The following LAPTM4B variants were observed in gnomAD, a reference collection of about 807,000 sequenced individuals.
LAPTM4B encodes lysosomal-associated transmembrane protein 4B.
LAPTM4B carries 26 observed loss-of-function variants against 28.5 expected under a neutral mutation model. That is an observed-to-expected ratio of 0.91 (90% confidence interval 0.67 to 1.27). The LOEUF (loss-of-function observed/expected upper bound fraction) is 1.27, where lower values mean the gene tolerates loss of function less well. Among genes scored for constraint, LAPTM4B ranks in the 50% most tolerant of loss-of-function variants. LAPTM4B has a pLI of 0.00. For missense variants in LAPTM4B, 288 were observed against 285.8 expected (o/e 1.01, Z -0.06); for synonymous variants, 109 against 106.4 (o/e 1.02, Z -0.15).
intron 1 of LAPTM4B, among the ~76,000 whole-genome samples, chr8:97,776,880 A>C (rs967918284): frequency 6.6e-6 from 1 of 151,906 alleles, no homozygotes; most frequent in Non-Finnish European, 1.5e-5. Context: ...GAACTTTTGA[A>C]GTCTTTTTTT....
At chr8:97,847,113 A>G (rs1171667222) in intron 6 of LAPTM4B, among the ~76,000 whole-genome samples, 1 of 152,218 alleles carries the variant, frequency 6.6e-6, no homozygotes, top group African/African-American at 2.4e-5. Context: ...TAGAAGAGAC[A>G]TTATATATAG....
intron 6 of LAPTM4B, among the ~76,000 whole-genome samples, chr8:97,835,417 C>T (rs558577084): frequency 4.9e-4 from 74 of 152,170 alleles, no homozygotes; most frequent in Non-Finnish European, 8.5e-4. Context: ...TTAATCTCTC[C>T]TCCAGTTTCC....
chr8:97,795,541 T>C (rs1816567655), intron 1 of LAPTM4B, among the ~76,000 whole-genome samples: 1 of 152,202 alleles, frequency 6.6e-6, no homozygotes, highest in Non-Finnish European at 1.5e-5. Context: ...AGAGTTTATA[T>C]ATCTTTGACT....
chr8:97,826,280 C>T (rs558588579), intron 6 of LAPTM4B, among the ~76,000 whole-genome samples: 2 of 152,088 alleles, frequency 1.3e-5, no homozygotes, highest in East Asian at 1.9e-4. Flanking sequence ...AATAGACAGC[C>T]ATGACCAGAT....
At chr8:97,808,743 G>A (rs1321069690) in intron 2 of LAPTM4B, among the ~76,000 whole-genome samples, 53 of 152,018 alleles carry the variant, frequency 3.5e-4, no homozygotes, top group Non-Finnish European at 8.8e-5. Context: ...TGGATCACTT[G>A]AGACCAGGAG....
In LAPTM4B at chr8:97,851,748, G is replaced by C; in HGVS notation, c.*274G>C. Reference sequence around the variant, plus strand: ...AGGCATTGAAACTTCCCCCAAATCTGATGGACCTAGAAGTCTGCTTTTGTA... The same window carrying C: ...AGGCATTGAAACTTCCCCCAAATCTCATGGACCTAGAAGTCTGCTTTTGTA... On this transcript the variant is annotated 3_prime_UTR_variant, in exon 7 of 7. Transcript: ENST00000521545. 1 of 462,048 alleles carries C rather than the reference G, an allele frequency of 2.2e-6. No individual in the cohort carries two copies. Among genetic ancestry groups the C allele is most frequent in the Non-Finnish European group, 3.9e-6 (1 of 259,488 alleles). 28.6% of individuals were successfully genotyped at this position (462,048 alleles called of 1,614,324 possible). A position where few individuals can be genotyped will look rare whatever the true frequency, so the allele number is the denominator to read the frequency against.
At chr8:97,798,289 G>C (rs141237427) in intron 1 of LAPTM4B, among the ~76,000 whole-genome samples, 187 of 152,184 alleles carry the variant, frequency 1.2e-3, no homozygotes, top group Middle Eastern at 3.4e-3. Flanking sequence ...CACAGACATA[G>C]GTCCTCATGG....
intron 1 of LAPTM4B, among the ~76,000 whole-genome samples, chr8:97,791,660 G>C (rs550550573): frequency 5.3e-5 from 8 of 152,298 alleles, no homozygotes; most frequent in African/African-American, 1.9e-4. Flanking sequence ...GTTGGCCAGG[G>C]CCTGTGAATG....
intron 1 of LAPTM4B, among the ~76,000 whole-genome samples, chr8:97,795,408 GA>G (rs1262207129): frequency 1.3e-5 from 2 of 152,074 alleles, no homozygotes; most frequent in Non-Finnish European, 2.9e-5. Flanking sequence ...TTTAAATTGT[GA>G]ATCATTTTTA....
intron 1 of LAPTM4B, among the ~76,000 whole-genome samples, chr8:97,782,571 T>A (rs1023876378): frequency 5.9e-5 from 9 of 151,940 alleles, no homozygotes; most frequent in Non-Finnish European, 1.3e-4. Flanking sequence ...CCTGAGTAGC[T>A]GGTACTACAG....
intron 6 of LAPTM4B, among the ~76,000 whole-genome samples, chr8:97,842,620 G>A (rs1817366970): frequency 6.6e-6 from 1 of 152,180 alleles, no homozygotes; most frequent in African/African-American, 2.4e-5. Context: ...TTGGGTTCAA[G>A]CATTTCTCCT....
At chr8:97,784,770 G>T (rs1477504979) in intron 1 of LAPTM4B, among the ~76,000 whole-genome samples, 2 of 151,912 alleles carry the variant, frequency 1.3e-5, no homozygotes, top group Non-Finnish European at 2.9e-5. Context: ...GATTAAAATG[G>T]CAGGCTGTTT....
intron 1 of LAPTM4B, among the ~76,000 whole-genome samples, chr8:97,803,980 G>C (rs149655093): frequency 6.6e-6 from 1 of 152,226 alleles, no homozygotes; most frequent in East Asian, 1.9e-4. Context: ...CCATTAGTTA[G>C]TGTTGTTAGT....
intron 1 of LAPTM4B, among the ~76,000 whole-genome samples, chr8:97,778,183 C>G (rs970554227): frequency 6.6e-6 from 1 of 152,190 alleles, no homozygotes; most frequent in Admixed American, 6.6e-5. Flanking sequence ...AGAAAGCTTT[C>G]TAGCAGATGT....
intron 4 of LAPTM4B, among the ~76,000 whole-genome samples, chr8:97,818,050 C>G (rs995466042): frequency 1.3e-5 from 2 of 152,088 alleles, no homozygotes; most frequent in East Asian, 3.9e-4. Flanking sequence ...TGCACTCAAG[C>G]AATCTGCCTG....
chr8:97,805,322 T>TTC, intron 1 of LAPTM4B, 31 bp from the exon 2 acceptor site: 2 of 990,072 alleles, frequency 2.0e-6, no homozygotes, highest in African/African-American at 3.3e-5. Context: ...GTTACTTAAA[T>TTC]TCTTTTTTTT....
At chr8:97,823,287 G>A (rs1230677304) in intron 5 of LAPTM4B, among the ~76,000 whole-genome samples, 1 of 152,012 alleles carries the variant, frequency 6.6e-6, no homozygotes, top group East Asian at 1.9e-4. Context: ...CCTTGCAAAG[G>A]CCCTTGAGAA....
chr8:97,823,356 G>GTTT (rs72472850), intron 5 of LAPTM4B, among the ~76,000 whole-genome samples: 10 of 131,104 alleles, frequency 7.6e-5, no homozygotes, highest in African/African-American at 1.5e-4. Context: ...TTTTTTTTTT[G>GTTT]TTTTTTTTTT....
intron 6 of LAPTM4B, among the ~76,000 whole-genome samples, chr8:97,839,304 CT>C (rs1239819855): frequency 6.6e-6 from 1 of 152,304 alleles, no homozygotes; most frequent in African/African-American, 2.4e-5. Flanking sequence ...AGCGATTCTC[CT>C]GCCTCAGCCT....
Sources: gnomAD v4.1 joint callset for allele counts (sites outside exome capture counted in the v4.1 genomes callset) on GRCh38, gnomAD v4.1.1 for gene constraint, MANE v1.5 for transcripts, NCBI Gene and HGNC (gene_info 2026-07-23, HGNC 2026-07-21) for gene names.